The following POF1B variants were observed in gnomAD, a reference collection of about 807,000 sequenced individuals.
The protein encoded by POF1B is protein POF1B.
A neutral mutation model predicts 55.3 loss-of-function variants in POF1B; 53 were observed. The observed-to-expected ratio is 0.96, with a 90% CI of 0.77 to 1.20. The LOEUF (loss-of-function observed/expected upper bound fraction) is 1.20, where lower values mean the gene tolerates loss of function less well. Among genes scored for constraint, POF1B ranks in the 50% most tolerant of loss-of-function variants. The pLI is 0.00. For synonymous variants in POF1B, 188 were observed against 148.3 expected (o/e 1.27, Z -1.95); for missense variants, 478 against 420.5 (o/e 1.14, Z -1.20).
intron 15 of POF1B, among the ~76,000 whole-genome samples, chrX:85,295,418 ATT>A (rs941730775): frequency 3.6e-5 from 4 of 110,814 alleles, no homozygotes; most frequent in African/African-American, 1.3e-4. Flanking sequence ...TTGATATGTT[ATT>A]TCTCTATTTT....
intron 9 of POF1B, among the ~76,000 whole-genome samples, chrX:85,311,432 A>C (rs1414006054): frequency 1.8e-5 from 2 of 109,776 alleles, no homozygotes; most frequent in Non-Finnish European, 3.8e-5. Context: ...CTTATGAGTG[A>C]GAACATGAGG....
intron 6 of POF1B, among the ~76,000 whole-genome samples, chrX:85,332,094 T>C (rs887108649): frequency 8.9e-6 from 1 of 112,014 alleles, no homozygotes; most frequent in African/African-American, 3.2e-5. Flanking sequence ...TTTGACATAC[T>C]GATTTTTGAA....
intron 4 of POF1B, among the ~76,000 whole-genome samples, chrX:85,356,271 G>A (rs1384358878): frequency 2.0e-5 from 2 of 102,366 alleles, no homozygotes. Flanking sequence ...AGAACGCTTG[G>A]ACACAAGAAG....
At position 85,367,232 on chromosome X, in the gene POF1B, A is replaced by T. The variant is rs113334391; in HGVS notation, c.357+460T>A. Among the ~76,000 whole-genome samples the T allele has an allele frequency of 6.2e-3, 696 of 111,749 alleles. 2 individuals are homozygous for T. The highest frequency in any genetic ancestry group is 0.022 in the African/African-American group (667 of 30,830). ...ACACAATGCCTAGATTCAAGAATAAACCTAAAAGTGGGACTATTAGGCCAT... is the reference window on the plus strand; with the variant it reads ...ACACAATGCCTAGATTCAAGAATAATCCTAAAAGTGGGACTATTAGGCCAT... On this transcript the variant is annotated intron_variant, in intron 3 of 16. Transcript: ENST00000262753.
chrX:85,298,499 A>C (rs1357377568), intron 15 of POF1B, among the ~76,000 whole-genome samples: 2 of 111,750 alleles, frequency 1.8e-5, no homozygotes, highest in East Asian at 5.7e-4. Flanking sequence ...GGTGCTTGGC[A>C]CACCAATGCA....
At chrX:85,331,213 T>A in intron 6 of POF1B, 134 bp from the exon 7 acceptor site, 3 of 595,510 alleles carry the variant, frequency 5.0e-6, no homozygotes, top group Non-Finnish European at 4.8e-6. Flanking sequence ...CAGGGATACA[T>A]TTTTTAATGT....
intron 3 of POF1B, among the ~76,000 whole-genome samples, chrX:85,365,978 ATCATCC>A (rs1440878701): frequency 1.8e-5 from 2 of 111,380 alleles, no homozygotes; most frequent in Non-Finnish European, 3.8e-5. Flanking sequence ...AAGAGTTCAT[ATCATCC>A]ATATAAAGAG....
chrX:85,367,272 T>A (rs1933741154), intron 3 of POF1B, among the ~76,000 whole-genome samples: 1 of 111,586 alleles, frequency 9.0e-6, no homozygotes, highest in Non-Finnish European at 1.9e-5. Flanking sequence ...GCTAAGGAAA[T>A]AGATCCTTGT....
chrX:85,354,466 A>C (rs1020296358), intron 4 of POF1B, among the ~76,000 whole-genome samples: 8 of 110,692 alleles, frequency 7.2e-5, no homozygotes, highest in Non-Finnish European at 1.5e-4. Context: ...TAGCAAAAGC[A>C]TGAAATTTTT....
chrX:85,344,327 T>C lies in POF1B; in HGVS notation c.723+1533A>G, dbSNP rs745405560. Among the ~76,000 whole-genome samples the C allele has an allele frequency of 4.5e-5, 5 of 111,540 alleles. No individual in the cohort carries two copies. In the South Asian group the frequency reaches 1.1e-3, roughly 25 times the overall value. On this transcript the variant is annotated intron_variant, in intron 6 of 16. Coordinates refer to ENST00000262753, the MANE Select transcript of POF1B (RefSeq NM_024921.4). ...ATATTATTTCCATGCAATATCACAA[T>C]ACCATATATAGAAATTCTGCCCATT... is the stretch of plus-strand genomic sequence containing the variant.
At chrX:85,321,931 A>G (rs892429886) in intron 7 of POF1B, among the ~76,000 whole-genome samples, 4 of 110,335 alleles carry the variant, frequency 3.6e-5, no homozygotes, top group South Asian at 4.0e-4. Context: ...CCACTGCTCA[A>G]TGAAATAAAA....
At chrX:85,362,259 G>C (rs1025595152) in intron 3 of POF1B, among the ~76,000 whole-genome samples, 1 of 110,614 alleles carries the variant, frequency 9.0e-6, no homozygotes, top group Non-Finnish European at 1.9e-5. Flanking sequence ...TGTTTGCTCT[G>C]ACCAGGACTC....
intron 4 of POF1B, among the ~76,000 whole-genome samples, chrX:85,353,099 A>T (rs1025201228): frequency 1.8e-5 from 2 of 111,220 alleles, no homozygotes; most frequent in East Asian, 5.7e-4. Context: ...TCAGAGGAAA[A>T]AAACTGAGTT....
Position 85,371,358 on chromosome X carries a change from A to G in POF1B, c.283-3592T>C, listed in dbSNP as rs1383905887. ...CCTTTTGATGATGATTATAATGATGACTAACACCTATTAATAGCTTTCTGT... is the reference window on the plus strand; with the variant it reads ...CCTTTTGATGATGATTATAATGATGGCTAACACCTATTAATAGCTTTCTGT... On this transcript the variant is annotated intron_variant, in intron 2 of 16. Transcript: ENST00000262753. Among the ~76,000 whole-genome samples, 3 of 112,071 alleles carry G rather than the reference A, an allele frequency of 2.7e-5. No individual in the cohort carries two copies. In the East Asian group the frequency reaches 8.3e-4, roughly 31 times the overall value.
At chrX:85,305,967 A>T (rs1212463344) in intron 12 of POF1B, 57 bp from the exon 13 acceptor site, 1 of 1,139,450 alleles carries the variant, frequency 8.8e-7, no homozygotes, top group African/African-American at 1.8e-5. Context: ...AATACATGTT[A>T]TGTTACAAGG....
Position 85,307,271 on chromosome X carries a change from C to T in POF1B, c.1056G>A (p.Leu352=). 1.7e-6 allele frequency: 2 copies of T among 1,165,687 alleles called. No homozygotes were observed. The highest frequency in any genetic ancestry group is 3.7e-5 in the South Asian group (2 of 53,339). The part of the protein sequence containing the change: ...LGHLQNDMTS[L]ENDKMRLEKD... ...TCTCAAGTCTCATCTTGTCATTTTC[C>T]AGTGACTAGAAGCATAAATTATTTA... is the stretch of plus-strand genomic sequence containing the variant. The change falls in exon 11 of 17, where the codon CTG becomes CTA. Residue 352 remains leucine, a synonymous_variant. Transcript: ENST00000262753.
chrX:85,367,851 G>A (rs1933754661), intron 2 of POF1B, 85 bp from the exon 3 acceptor site: 2 of 590,407 alleles, frequency 3.4e-6, no homozygotes, highest in East Asian at 3.8e-5. Context: ...TTATAATAAT[G>A]TGGTTAGTCA....
chrX:85,307,242 T>C lies in POF1B; in HGVS notation c.1085A>G (p.Asp362Gly), dbSNP rs1334497379. The C allele has an allele frequency of 6.7e-6, 8 of 1,200,852 alleles. No individual in the cohort carries two copies. The highest frequency in any genetic ancestry group is 4.5e-6 in the Non-Finnish European group (4 of 889,689). The change falls in exon 11 of 17, where the codon GAT becomes GGT. Residue 362 changes from aspartate to glycine, a missense_variant. By Grantham distance (94) the Asp-to-Gly change is moderately conservative (BLOSUM62 -1). Transcript: ENST00000262753. ...LENDKMRLEK[D>G]LSFKDTQLKE... Reference sequence around the variant, plus strand: ...TAATTGAGTGTCTTTGAATGATAAATCTTTCTCAAGTCTCATCTTGTCATT... The same window carrying C: ...TAATTGAGTGTCTTTGAATGATAAACCTTTCTCAAGTCTCATCTTGTCATT...
At chrX:85,298,331 T>C (rs1932355763) in intron 15 of POF1B, among the ~76,000 whole-genome samples, 1 of 111,932 alleles carries the variant, frequency 8.9e-6, no homozygotes, top group African/African-American at 3.3e-5. Context: ...TGTCTTTGTC[T>C]ATTCTTTGGG....
Sources: allele counts gnomAD v4.1 joint callset (sites outside exome capture counted in the v4.1 genomes callset), GRCh38; gene constraint gnomAD v4.1.1; transcripts MANE v1.5; gene names NCBI Gene and HGNC (gene_info 2026-07-23, HGNC 2026-07-21).